Variants in ADGRL3 observed in about 807,000 individuals in gnomAD.
The protein encoded by ADGRL3 is adhesion G protein-coupled receptor L3.
In ADGRL3, 62 loss-of-function variants were observed where a neutral mutation model predicts 153.5. That is an observed-to-expected ratio of 0.40 (90% confidence interval 0.33 to 0.50). ADGRL3 has a LOEUF of 0.50. Ranked by LOEUF, ADGRL3 falls within the 20% of genes least tolerant of loss-of-function variation. The pLI is 0.47. For synonymous variants in ADGRL3, 710 were observed against 672.5 expected (o/e 1.06, Z -0.86); for missense variants, 1,641 against 1,859.4 (o/e 0.88, Z 2.16).
intron 6 of ADGRL3, among the ~76,000 whole-genome samples, chr4:61,715,184 C>A (rs969566286): frequency 2.0e-4 from 31 of 152,076 alleles, no homozygotes; most frequent in African/African-American, 6.8e-4. Context: ...CAATATTATA[C>A]AAAATCTGCT....
At chr4:61,317,867 T>C (rs1578243820) in intron 1 of ADGRL3, among the ~76,000 whole-genome samples, 1 of 152,222 alleles carries the variant, frequency 6.6e-6, no homozygotes, top group African/African-American at 2.4e-5. Flanking sequence ...CTATTATGTC[T>C]ATGCATTATA....
intron 19 of ADGRL3, among the ~76,000 whole-genome samples, chr4:61,992,185 A>AT (rs1413521402): frequency 6.6e-6 from 1 of 152,146 alleles, no homozygotes; most frequent in Non-Finnish European, 1.5e-5. Context: ...GATAAATTGT[A>AT]TTCTTCAATA....
intron 21 of ADGRL3, among the ~76,000 whole-genome samples, chr4:62,014,263 G>T (rs1355424343): frequency 1.3e-5 from 2 of 152,154 alleles, no homozygotes; most frequent in African/African-American, 4.8e-5. Context: ...GAGTTTGTGT[G>T]CTCCTCAGGG....
In ADGRL3 at chr4:62,070,504, T is replaced by C. The variant is rs764964544; in HGVS notation, c.4228T>C (p.Ser1410Pro). ...TCCTTTGCTGCCCCCAAGAGTATAC[T>C]CCACCGAGAACCACCAGCCACACCA... ...DAPLLPPRVY[S>P]TENHQPHHYT... Residue 1410 changes from serine to proline, a missense_variant, in exon 27 of 27, where the codon TCC (serine) becomes CCC (proline). Transcript: ENST00000683033. 5 of 1,544,172 alleles carry C rather than the reference T, an allele frequency of 3.2e-6. No homozygotes were observed. In the South Asian group the frequency reaches 6.0e-5, roughly 18 times the overall value.
chr4:61,857,181 C>T (rs1015879306), intron 9 of ADGRL3, among the ~76,000 whole-genome samples: 1 of 151,606 alleles, frequency 6.6e-6, no homozygotes, highest in Non-Finnish European at 1.5e-5. Flanking sequence ...ATTCTCCCAC[C>T]ACAGCCTCCA....
At chr4:61,222,661 C>T (rs977575783) in intron 1 of ADGRL3, among the ~76,000 whole-genome samples, 1 of 152,158 alleles carries the variant, frequency 6.6e-6, no homozygotes, top group Non-Finnish European at 1.5e-5. Flanking sequence ...CATGTAAGTA[C>T]AGGAACCAGC....
At chr4:61,635,224 A>G (rs924046429) in intron 5 of ADGRL3, among the ~76,000 whole-genome samples, 5 of 152,154 alleles carry the variant, frequency 3.3e-5, no homozygotes, top group African/African-American at 1.2e-4. Flanking sequence ...GGAGGGGAGA[A>G]AGAAGAGCTG....
At chr4:61,342,430 G>A (rs934053537) in intron 1 of ADGRL3, among the ~76,000 whole-genome samples, 34 of 152,130 alleles carry the variant, frequency 2.2e-4, no homozygotes, top group African/African-American at 4.6e-4. Flanking sequence ...GAGAAATGCC[G>A]TACAGATACA....
intron 1 of ADGRL3, among the ~76,000 whole-genome samples, chr4:61,227,109 G>A (rs1354643): frequency 0.39 from 58,886 of 151,734 alleles, 12,453 homozygotes; most frequent in Middle Eastern, 0.52. Context: ...ACATCACAAT[G>A]TATGTTGCAT....
chr4:61,647,226 A>G (rs2094047015), intron 5 of ADGRL3, among the ~76,000 whole-genome samples: 1 of 152,084 alleles, frequency 6.6e-6, no homozygotes, highest in East Asian at 1.9e-4. Flanking sequence ...AAATGCAGAA[A>G]TCACCCGTCT....
intron 5 of ADGRL3, among the ~76,000 whole-genome samples, chr4:61,664,041 G>T (rs2094700154): frequency 6.6e-6 from 1 of 152,056 alleles, no homozygotes; most frequent in Non-Finnish European, 1.5e-5. Flanking sequence ...ATATGTTCTG[G>T]CTTCCTAGGC....
At chr4:61,358,523 G>A (rs1011156033) in intron 1 of ADGRL3, among the ~76,000 whole-genome samples, 2 of 151,554 alleles carry the variant, frequency 1.3e-5, no homozygotes, top group Non-Finnish European at 2.9e-5. Flanking sequence ...CGTGAACTCG[G>A]GAGGCGGAGC....
chr4:61,750,182 TAAAAA>T (rs60768535), intron 8 of ADGRL3, among the ~76,000 whole-genome samples: 51 of 94,608 alleles, frequency 5.4e-4, no homozygotes, highest in African/African-American at 9.2e-4. Context: ...AGGGGATGGT[TAAAAA>T]AAAAAAAAAA....
At chr4:61,464,730 A>AT (rs1490921251) in intron 2 of ADGRL3, among the ~76,000 whole-genome samples, 4 of 152,176 alleles carry the variant, frequency 2.6e-5, no homozygotes, top group African/African-American at 9.7e-5. Flanking sequence ...AGTTTTGACC[A>AT]TTTGATTTGA....
chr4:61,741,924 A>G (rs1026485129), intron 8 of ADGRL3, among the ~76,000 whole-genome samples: 1 of 152,242 alleles, frequency 6.6e-6, no homozygotes, highest in African/African-American at 2.4e-5. Context: ...TTATATGTGT[A>G]TTTCACAGTA....
intron 1 of ADGRL3, among the ~76,000 whole-genome samples, chr4:61,369,557 GC>G (rs2096479610): frequency 6.6e-6 from 1 of 152,124 alleles, no homozygotes. Context: ...TATTGAGCCA[GC>G]CTTGCATCCC....
At chr4:61,583,534 G>T in intron 4 of ADGRL3, 1 of 346,278 alleles carries the variant, frequency 2.9e-6, no homozygotes, top group Admixed American at 3.0e-5. Context: ...TTTATTATTT[G>T]ATATTTATAT....
chr4:61,871,710 T>C lies in ADGRL3; in HGVS notation c.1481-20946T>C, dbSNP rs1355830308. On this transcript the variant is annotated intron_variant, in intron 9 of 26. Coordinates refer to ENST00000683033, the MANE Select transcript of ADGRL3 (RefSeq NM_001387552.1). Reference sequence around the variant, plus strand: ...TTTGTTATACGCACAATTCTATGAATATACTAAAAATCATTGAATTGTACA... The same window carrying C: ...TTTGTTATACGCACAATTCTATGAACATACTAAAAATCATTGAATTGTACA... Among the ~76,000 whole-genome samples, 4 of 152,210 alleles carry C rather than the reference T, an allele frequency of 2.6e-5. No homozygotes were observed. In the East Asian group the frequency reaches 7.7e-4, roughly 29 times the overall value.
chr4:61,740,157 C>T (rs1330107228), intron 8 of ADGRL3, among the ~76,000 whole-genome samples: 1 of 152,170 alleles, frequency 6.6e-6, no homozygotes, highest in Non-Finnish European at 1.5e-5. Flanking sequence ...ACAGAACTAT[C>T]AAATCTAGAA....
Sources: gnomAD v4.1 joint callset for allele counts (sites outside exome capture counted in the v4.1 genomes callset) on GRCh38, gnomAD v4.1.1 for gene constraint, MANE v1.5 for transcripts, NCBI Gene and HGNC (gene_info 2026-07-23, HGNC 2026-07-21) for gene names.